Variants in SCFD2 observed in about 807,000 individuals in gnomAD.
SCFD2 encodes the protein sec1 family domain-containing protein 2.
In SCFD2, 54 loss-of-function variants were observed where a neutral mutation model predicts 58.9. The ratio of observed to expected loss-of-function variants is 0.92; its 90% CI spans 0.74 to 1.15. The LOEUF (loss-of-function observed/expected upper bound fraction) is 1.15. Ranked by LOEUF, SCFD2 falls within the 50% of genes most tolerant of loss-of-function variation. The pLI is 0.00. For missense variants in SCFD2, 805 were observed against 836.6 expected (o/e 0.96, Z 0.47); for synonymous variants, 321 against 335.9 (o/e 0.96, Z 0.49).
chr4:53,078,163 C>T (rs1170239220), intron 5 of SCFD2, among the ~76,000 whole-genome samples: 2 of 152,146 alleles, frequency 1.3e-5, no homozygotes, highest in African/African-American at 4.8e-5. Flanking sequence ...CCTTATTAAT[C>T]TTACTTTATA....
chr4:53,042,573 T>C (rs1175425990), intron 5 of SCFD2, among the ~76,000 whole-genome samples: 1 of 152,128 alleles, frequency 6.6e-6, no homozygotes, highest in African/African-American at 2.4e-5. Flanking sequence ...CACAAATAAA[T>C]AAAATATACA....
chr4:52,947,113 A>G (rs1034711106), intron 5 of SCFD2, among the ~76,000 whole-genome samples: 10 of 152,250 alleles, frequency 6.6e-5, no homozygotes, highest in Admixed American at 3.9e-4. Context: ...CATATATTTG[A>G]TCACTCAGCT....
At chr4:53,274,492 C>G (rs766711962) in intron 3 of SCFD2, among the ~76,000 whole-genome samples, 1 of 151,990 alleles carries the variant, frequency 6.6e-6, no homozygotes, top group Non-Finnish European at 1.5e-5. Context: ...TGACAATATT[C>G]GTGAGATAAA....
chr4:53,040,411 ATT>A (rs369908748), intron 5 of SCFD2, among the ~76,000 whole-genome samples: 2,252 of 151,998 alleles, frequency 0.015, 56 homozygotes, highest in African/African-American at 0.052. Context: ...TTGGAATTTG[ATT>A]TTTTTTCTCC....
At chr4:53,260,085 T>C (rs1307967937) in intron 4 of SCFD2, among the ~76,000 whole-genome samples, 2 of 152,146 alleles carry the variant, frequency 1.3e-5, no homozygotes, top group African/African-American at 4.8e-5. Context: ...TTTCATATCC[T>C]GAAACTTTGC....
intron 5 of SCFD2, among the ~76,000 whole-genome samples, chr4:53,126,846 G>A (rs1270642794): frequency 3.3e-5 from 5 of 151,960 alleles, no homozygotes; most frequent in African/African-American, 1.2e-4. Flanking sequence ...TATTTGGCCT[G>A]TTTCATTCCT....
At chr4:53,115,488 T>C (rs1725294737) in intron 5 of SCFD2, among the ~76,000 whole-genome samples, 1 of 152,160 alleles carries the variant, frequency 6.6e-6, no homozygotes, top group Admixed American at 6.5e-5. Context: ...TTAATGAATG[T>C]CAGTGAGAGG....
intron 4 of SCFD2, among the ~76,000 whole-genome samples, chr4:53,186,883 C>T (rs193046118): frequency 3.9e-5 from 6 of 152,102 alleles, no homozygotes; most frequent in Admixed American, 3.3e-4. Flanking sequence ...CTGACTTACA[C>T]GGTTGCACAG....
chr4:53,050,212 A>C (rs551770582), intron 5 of SCFD2, among the ~76,000 whole-genome samples: 3 of 152,326 alleles, frequency 2.0e-5, no homozygotes, highest in African/African-American at 4.8e-5. Context: ...ACTTAAGAGA[A>C]GCAAGATCTT....
intron 3 of SCFD2, among the ~76,000 whole-genome samples, chr4:53,299,380 A>G (rs976778721): frequency 6.6e-6 from 1 of 152,232 alleles, no homozygotes; most frequent in Non-Finnish European, 1.5e-5. Context: ...TGAAGCATGA[A>G]GAGAAGTTTA....
chr4:53,353,893 G>A (rs1734317833), intron 1 of SCFD2, among the ~76,000 whole-genome samples: 1 of 151,638 alleles, frequency 6.6e-6, no homozygotes, highest in South Asian at 2.1e-4. Context: ...CTAGACACAG[G>A]GTGCTGATTG....
chr4:53,007,305 G>GGGGAGAGAGAGAGAGA (rs1553913998), intron 5 of SCFD2, among the ~76,000 whole-genome samples: 1 of 66,072 alleles, frequency 1.5e-5, no homozygotes, highest in African/African-American at 6.2e-5. Flanking sequence ...AGAGGGAGAG[G>GGGGAGAGAGAGAGAGA]GAGAGAGAGA....
chr4:53,183,144 A>G (rs1230412729), intron 4 of SCFD2, among the ~76,000 whole-genome samples: 1 of 152,184 alleles, frequency 6.6e-6, no homozygotes, highest in Admixed American at 6.5e-5. Context: ...CAGCCATCCC[A>G]TTACTGGGTA....
At chr4:53,197,747 C>CAAAAA (rs10717880) in intron 4 of SCFD2, among the ~76,000 whole-genome samples, 252 of 96,354 alleles carry the variant, frequency 2.6e-3, no homozygotes, top group Middle Eastern at 6.0e-3. Context: ...TAGAAGATGG[C>CAAAAA]AAAAAAAAAA....
At chr4:53,069,567 G>C (rs1162034993) in intron 5 of SCFD2, among the ~76,000 whole-genome samples, 5 of 152,036 alleles carry the variant, frequency 3.3e-5, no homozygotes, top group African/African-American at 1.2e-4. Flanking sequence ...TTAGATGATA[G>C]AACTCTGTGG....
At chr4:53,269,886 C>CGTG (rs1212892429) in intron 4 of SCFD2, among the ~76,000 whole-genome samples, 2 of 152,064 alleles carry the variant, frequency 1.3e-5, no homozygotes, top group Non-Finnish European at 2.9e-5. Flanking sequence ...ATTAGCTGGG[C>CGTG]GTGGTGGTGC....
chr4:53,318,294 T>G (rs1472187380), intron 2 of SCFD2, among the ~76,000 whole-genome samples: 1 of 152,190 alleles, frequency 6.6e-6, no homozygotes, highest in African/African-American at 2.4e-5. Context: ...TCTCTTCAAT[T>G]TAATTATTGT....
intron 5 of SCFD2, among the ~76,000 whole-genome samples, chr4:52,993,494 A>G (rs1721670537): frequency 6.6e-6 from 1 of 152,244 alleles, no homozygotes; most frequent in Non-Finnish European, 1.5e-5. Context: ...TCAGTGGCTC[A>G]CTAGGATGCA....
At chr4:53,266,323 G>A (rs1234367513) in intron 4 of SCFD2, among the ~76,000 whole-genome samples, 3 of 152,048 alleles carry the variant, frequency 2.0e-5, no homozygotes, top group African/African-American at 7.2e-5. Flanking sequence ...ATTTATTGAG[G>A]ATTTACTGTA....
Sources: allele counts gnomAD v4.1 joint callset (sites outside exome capture counted in the v4.1 genomes callset), GRCh38; gene constraint gnomAD v4.1.1; transcripts MANE v1.5; gene names NCBI Gene and HGNC (gene_info 2026-07-23, HGNC 2026-07-21).